Variants in LINGO2 observed in about 807,000 individuals in gnomAD.
LINGO2 encodes leucine-rich repeat and immunoglobulin-like domain-containing nogo receptor-interacting protein 2.
Under a neutral mutation model 30.6 loss-of-function variants are expected in LINGO2, and 14 were observed. The observed-to-expected ratio is 0.46, with a 90% CI of 0.30 to 0.72. LINGO2 has a LOEUF of 0.72. LINGO2 is among the 30% of genes least tolerant of loss of function. LINGO2 has a pLI of 0.07. For synonymous variants in LINGO2, 317 were observed against 288.5 expected, an observed-to-expected ratio of 1.10 and a Z score of -1.00; for missense variants, 729 against 751.7, an observed-to-expected ratio of 0.97 and a Z score of 0.35.
intron 4 of LINGO2, among the ~76,000 whole-genome samples, chr9:28,195,944 C>A (rs1158840527): frequency 6.6e-6 from 1 of 151,346 alleles, no homozygotes; most frequent in African/African-American, 2.4e-5. Flanking sequence ...TAACAATAAT[C>A]CATGAAAAAC....
chr9:28,566,223 G>A (rs1301447873), intron 1 of LINGO2, among the ~76,000 whole-genome samples: 1 of 152,128 alleles, frequency 6.6e-6, no homozygotes, highest in South Asian at 2.1e-4. Flanking sequence ...AGTAAATGGT[G>A]GAGGAGGATC....
At chr9:28,860,120 A>C in the LINGO2 span, among the ~76,000 whole-genome samples, 3 of 152,146 alleles carry the variant, frequency 2.0e-5, no homozygotes, top group Non-Finnish European at 4.4e-5. Context: ...AAAATAATTA[A>C]GAAAATCTTA....
At chr9:28,459,838 A>AAT in intron 2 of LINGO2, among the ~76,000 whole-genome samples, 1 of 152,250 alleles carries the variant, frequency 6.6e-6, no homozygotes, top group Admixed American at 6.5e-5. Context: ...AAGTGAAGAC[A>AAT]ATATGTTTGC....
the LINGO2 span, among the ~76,000 whole-genome samples, chr9:28,864,035 T>A: frequency 6.6e-6 from 1 of 152,098 alleles, no homozygotes; most frequent in African/African-American, 2.4e-5. Context: ...AATATAGATG[T>A]CAGGAGTAGG....
chr9:28,194,359 C>G (rs576752197), intron 4 of LINGO2, among the ~76,000 whole-genome samples: 1 of 152,040 alleles, frequency 6.6e-6, no homozygotes, highest in African/African-American at 2.4e-5. Flanking sequence ...CCTAATTAAT[C>G]CTCCCTGTAA....
chr9:28,027,370 C>T (rs976628110), intron 4 of LINGO2, among the ~76,000 whole-genome samples: 1 of 152,156 alleles, frequency 6.6e-6, no homozygotes, highest in Admixed American at 6.5e-5. Context: ...TCTTACCTAC[C>T]ATGACTGAGG....
chr9:27,960,542 C>T (rs1488290281), intron 5 of LINGO2, among the ~76,000 whole-genome samples: 1 of 151,184 alleles, frequency 6.6e-6, no homozygotes, highest in African/African-American at 2.4e-5. Context: ...ATCTGTAACA[C>T]ACAAAATGTG....
At chr9:28,459,121 T>C (rs1452318196) in intron 2 of LINGO2, among the ~76,000 whole-genome samples, 1 of 152,090 alleles carries the variant, frequency 6.6e-6, no homozygotes, top group African/African-American at 2.4e-5. Flanking sequence ...TTTACATTAA[T>C]TTGCAAAAAA....
chr9:28,433,699 A>G (rs1823774346), intron 2 of LINGO2, among the ~76,000 whole-genome samples: 2 of 152,104 alleles, frequency 1.3e-5, no homozygotes, highest in African/African-American at 4.8e-5. Context: ...TAGTACAACC[A>G]CTATGGAAAA....
At chr9:29,143,094 T>C in the LINGO2 span, among the ~76,000 whole-genome samples, 1 of 152,052 alleles carries the variant, frequency 6.6e-6, no homozygotes, top group East Asian at 1.9e-4. Flanking sequence ...CCAAGGAATG[T>C]AAAGACTTGT....
At chr9:28,638,186 G>A (rs1201563154) in intron 1 of LINGO2, among the ~76,000 whole-genome samples, 2 of 152,098 alleles carry the variant, frequency 1.3e-5, no homozygotes. Context: ...GGATTATGGT[G>A]GATAAGTTTT....
rs187831367 is a variant in LINGO2 at position 28,453,846 on chromosome 9, G to A, written c.-279+22094C>T. Among the ~76,000 whole-genome samples the A allele has an allele frequency of 8.3e-3, 1,257 of 151,898 alleles. 19 individuals are homozygous for A. The highest frequency in any genetic ancestry group is 0.027 in the African/African-American group (1,125 of 41,410). On this transcript the variant is annotated intron_variant, in intron 2 of 5. Transcript: ENST00000379992. The stretch of plus-strand genomic sequence containing the variant: ...ACTCAGTGTCAGTGTCTTTAGAGTT[G>A]TTTTTCTGATTAGTGGTTTAAAAAA...
At chr9:28,994,324 C>G in the LINGO2 span, among the ~76,000 whole-genome samples, 1 of 151,990 alleles carries the variant, frequency 6.6e-6, no homozygotes, top group Non-Finnish European at 1.5e-5. Flanking sequence ...ATGTGAAGGA[C>G]CACTTCAAGG....
At chr9:29,171,524 T>C in the LINGO2 span, among the ~76,000 whole-genome samples, 1 of 151,986 alleles carries the variant, frequency 6.6e-6, no homozygotes, top group South Asian at 2.1e-4. Context: ...TATTCTCATA[T>C]TTGCAGAATG....
At chr9:28,987,036 T>G in the LINGO2 span, among the ~76,000 whole-genome samples, 1 of 151,546 alleles carries the variant, frequency 6.6e-6, no homozygotes, top group African/African-American at 2.4e-5. Flanking sequence ...CTTTGTATCC[T>G]GTAATATTAT....
At chr9:28,762,054 A>C in the LINGO2 span, among the ~76,000 whole-genome samples, 1 of 151,618 alleles carries the variant, frequency 6.6e-6, no homozygotes, top group African/African-American at 2.4e-5. Flanking sequence ...TCTGAGTTGG[A>C]AGATTTTCTT....
chr9:29,196,736 A>G, the LINGO2 span, among the ~76,000 whole-genome samples: 262 of 152,244 alleles, frequency 1.7e-3, 3 homozygotes, highest in Middle Eastern at 0.024. Flanking sequence ...TATAAATGTA[A>G]TTGATGTTTA....
At chr9:28,750,650 G>A in the LINGO2 span, among the ~76,000 whole-genome samples, 26 of 151,942 alleles carry the variant, frequency 1.7e-4, no homozygotes, top group Admixed American at 3.3e-4. Flanking sequence ...ATATATTTGT[G>A]TCTAACTGTT....
chr9:28,713,379 G>A, the LINGO2 span, among the ~76,000 whole-genome samples: 1 of 152,092 alleles, frequency 6.6e-6, no homozygotes, highest in African/African-American at 2.4e-5. Context: ...GAAGCTGACT[G>A]TCTCTTCTTC....
Sources: allele counts gnomAD v4.1 joint callset (sites outside exome capture counted in the v4.1 genomes callset), GRCh38; gene constraint gnomAD v4.1.1; transcripts MANE v1.5; gene names NCBI Gene and HGNC (gene_info 2026-07-23, HGNC 2026-07-21).